CDH8: variants seen among roughly 807,000 people sequenced by gnomAD.
CDH8 encodes the protein cadherin-8.
In CDH8, 17 loss-of-function variants were observed where a neutral mutation model predicts 68.1. The observed-to-expected ratio is 0.25, with a 90% CI of 0.17 to 0.37. The LOEUF is 0.37. Among genes scored for constraint, CDH8 ranks in the 10% least tolerant of loss-of-function variants. The pLI, the probability that CDH8 is intolerant of heterozygous loss-of-function variation, is 1.00. For missense variants in CDH8, 763 were observed against 999.3 expected, an observed-to-expected ratio of 0.76 and a Z score of 3.19; for synonymous variants, 372 against 365.1, an observed-to-expected ratio of 1.02 and a Z score of -0.21.
chr16:61,675,729 TA>T (rs1963894388), intron 10 of CDH8, among the ~76,000 whole-genome samples: 1 of 151,278 alleles, frequency 6.6e-6, no homozygotes, highest in Admixed American at 6.6e-5. Context: ...TGTATAGAAA[TA>T]AAATATGAGA....
chr16:61,840,091 TC>T (rs950033667), intron 4 of CDH8, among the ~76,000 whole-genome samples: 9 of 152,170 alleles, frequency 5.9e-5, no homozygotes, highest in Non-Finnish European at 1.0e-4. Flanking sequence ...CCTTGTTTAC[TC>T]CCCTGATAAC....
intron 2 of CDH8, among the ~76,000 whole-genome samples, chr16:62,007,331 C>T (rs1597122194): frequency 6.6e-6 from 1 of 152,144 alleles, no homozygotes; most frequent in Admixed American, 6.5e-5. Context: ...AAGCATGTGA[C>T]AATTTTGTTT....
chr16:61,782,022 C>G (rs1430321679), intron 8 of CDH8, among the ~76,000 whole-genome samples: 2 of 152,194 alleles, frequency 1.3e-5, no homozygotes, highest in African/African-American at 2.4e-5. Context: ...AACTACATAT[C>G]AACTTGACTG....
chr16:61,697,968 C>A (rs888074802), intron 10 of CDH8, among the ~76,000 whole-genome samples: 27 of 152,186 alleles, frequency 1.8e-4, no homozygotes, highest in African/African-American at 6.3e-4. Context: ...AAACACTAGA[C>A]TTTTTTATTA....
intron 10 of CDH8, among the ~76,000 whole-genome samples, chr16:61,703,060 A>G (rs976421503): frequency 6.6e-6 from 1 of 152,220 alleles, no homozygotes; most frequent in Non-Finnish European, 1.5e-5. Flanking sequence ...TTGTCTTAAA[A>G]TAATTACAAA....
intron 2 of CDH8, among the ~76,000 whole-genome samples, chr16:61,902,115 G>T (rs894688805): frequency 6.6e-6 from 1 of 151,970 alleles, no homozygotes; most frequent in Non-Finnish European, 1.5e-5. Flanking sequence ...CTGACAATTC[G>T]TCTAGTCCAG....
At chr16:61,835,744 T>C (rs1010257712) in intron 4 of CDH8, among the ~76,000 whole-genome samples, 3 of 151,948 alleles carry the variant, frequency 2.0e-5, no homozygotes, top group African/African-American at 4.8e-5. Flanking sequence ...TTCCAATAAC[T>C]AATTACACGT....
chr16:61,670,678 G>C lies in CDH8; in HGVS notation c.1655-14957C>G, dbSNP rs1034370173. On this transcript the variant is annotated intron_variant, in intron 10 of 11. Coordinates refer to ENST00000577390, the MANE Select transcript of CDH8 (RefSeq NM_001796.5). The stretch of plus-strand genomic sequence containing the variant: ...TATACATACTAAGCTCTGATATACA[G>C]TAGTCTTCTCTAATCTGTGGGATAT... Among the ~76,000 whole-genome samples the C allele has an allele frequency of 2.6e-5, 4 of 151,972 alleles. No individual in the cohort carries two copies. The South Asian group carries it at 8.3e-4, about 31-fold the overall frequency.
chr16:62,035,841 G>T (rs2150627367), intron 1 of CDH8, among the ~76,000 whole-genome samples: 1 of 152,338 alleles, frequency 6.6e-6, no homozygotes, highest in Non-Finnish European at 1.5e-5. Context: ...AGGATCTGTT[G>T]TCAAAGCAGT....
chr16:61,687,252 C>A (rs1311714620), intron 10 of CDH8, among the ~76,000 whole-genome samples: 2 of 151,378 alleles, frequency 1.3e-5, no homozygotes, highest in African/African-American at 4.8e-5. Flanking sequence ...CACTTCTAAG[C>A]CAAAAAAAAA....
intron 4 of CDH8, among the ~76,000 whole-genome samples, chr16:61,831,213 T>A (rs1962446830): frequency 6.6e-6 from 1 of 151,734 alleles, no homozygotes; most frequent in Admixed American, 6.6e-5. Context: ...ACAAGAGAAT[T>A]CAACTAATGA....
chr16:61,926,795 T>A (rs1338733437), intron 2 of CDH8, among the ~76,000 whole-genome samples: 1 of 152,172 alleles, frequency 6.6e-6, no homozygotes, highest in Non-Finnish European at 1.5e-5. Context: ...GCATCTAGGG[T>A]GTGCTGAGCT....
At chr16:61,728,875 A>G (rs1959455290) in intron 8 of CDH8, among the ~76,000 whole-genome samples, 1 of 151,024 alleles carries the variant, frequency 6.6e-6, no homozygotes, top group Non-Finnish European at 1.5e-5. Flanking sequence ...TTTTTTCCTA[A>G]AAAAACTGAA....
Position 61,872,555 on chromosome 16 carries a change from G to A in CDH8, c.548-15317C>T, listed in dbSNP as rs528322889. Among the ~76,000 whole-genome samples, 2 of 152,320 alleles carry A rather than the reference G, an allele frequency of 1.3e-5. 1 individual carries two copies. Among genetic ancestry groups the A allele is most frequent in the African/African-American group, 4.8e-5 (2 of 41,582 alleles). On this transcript the variant is annotated intron_variant, in intron 3 of 11. Transcript: ENST00000577390. ...GTTGTAGGGACCAAAGTTTTATCAT[G>A]CAGATGAAGCTTCCAGGTAGCAGGC...
At chr16:62,029,695 A>G (rs544477819) in intron 1 of CDH8, among the ~76,000 whole-genome samples, 2 of 152,340 alleles carry the variant, frequency 1.3e-5, no homozygotes, top group South Asian at 4.1e-4. Context: ...TATCTTTTAC[A>G]AGATAAATTC....
chr16:61,682,084 C>T (rs1009830477), intron 10 of CDH8, among the ~76,000 whole-genome samples: 2 of 151,852 alleles, frequency 1.3e-5, no homozygotes. Flanking sequence ...TCAACTTACT[C>T]TTCTATAACA....
chr16:61,963,771 G>A (rs1965199006), intron 2 of CDH8, among the ~76,000 whole-genome samples: 1 of 152,162 alleles, frequency 6.6e-6, no homozygotes, highest in African/African-American at 2.4e-5. Flanking sequence ...ATTGATTGAT[G>A]GTAGTTGAGT....
chr16:61,795,063 C>G (rs191129450), intron 7 of CDH8, among the ~76,000 whole-genome samples: 2 of 152,076 alleles, frequency 1.3e-5, no homozygotes, highest in Admixed American at 6.6e-5. Context: ...AATTCCTCCC[C>G]TCTCTTCCTA....
At chr16:61,847,538 T>TTATATA (rs56946081) in intron 4 of CDH8, among the ~76,000 whole-genome samples, 1,622 of 136,598 alleles carry the variant, frequency 0.012, 13 homozygotes, top group Non-Finnish European at 0.017. Context: ...TCCAATCATT[T>TTATATA]TATATATATA....
Sources: allele counts gnomAD v4.1 joint callset (sites outside exome capture counted in the v4.1 genomes callset), GRCh38; gene constraint gnomAD v4.1.1; transcripts MANE v1.5; gene names NCBI Gene and HGNC (gene_info 2026-07-23, HGNC 2026-07-21).